Variants in CTNNA3 observed in about 807,000 individuals in gnomAD.
The protein encoded by CTNNA3 is catenin alpha 3.
Under a neutral mutation model 95.7 loss-of-function variants are expected in CTNNA3, and 76 were observed. That is an observed-to-expected ratio of 0.79 (90% CI 0.66 to 0.96). The LOEUF (loss-of-function observed/expected upper bound fraction) is 0.96. CTNNA3 is among the 40% of genes least tolerant of loss of function. The pLI is 0.00. For synonymous variants in CTNNA3, 431 were observed against 374.4 expected (o/e 1.15, Z -1.74); for missense variants, 1,191 against 1,089.8 (o/e 1.09, Z -1.31).
Position 67,691,729 on chromosome 10 carries a change from C to T in CTNNA3, c.-6+4271G>A, listed in dbSNP as rs554655121. ...CCGTCTGGGAAGTGAGGAGTGTCTC[C>T]GCCCGGCAGCCACCTCGTCCGGGAG... On this transcript the variant is annotated intron_variant, in intron 1 of 17. Coordinates refer to ENST00000433211, the MANE Select transcript of CTNNA3 (RefSeq NM_013266.4). 5.3e-5 allele frequency among the ~76,000 whole-genome samples: 8 copies of T among 151,226 alleles called. No individual in the cohort carries two copies. The East Asian group carries it at 1.6e-3, about 30-fold the overall frequency.
At chr10:66,480,232 T>C (rs1839472818) in intron 11 of CTNNA3, among the ~76,000 whole-genome samples, 1 of 152,170 alleles carries the variant, frequency 6.6e-6, no homozygotes, top group Non-Finnish European at 1.5e-5. Flanking sequence ...CTCACAGTTG[T>C]AGTCATTTTC....
intron 12 of CTNNA3, among the ~76,000 whole-genome samples, chr10:66,336,537 T>C (rs1481522217): frequency 1.3e-5 from 2 of 152,148 alleles, no homozygotes; most frequent in African/African-American, 2.4e-5. Flanking sequence ...GTTTAAGACA[T>C]TCCTTATTAA....
intron 7 of CTNNA3, among the ~76,000 whole-genome samples, chr10:66,873,856 G>T (rs532072433): frequency 2.6e-5 from 4 of 152,248 alleles, no homozygotes; most frequent in Non-Finnish European, 4.4e-5. Context: ...TCTTAGCAAA[G>T]AACTTATGTC....
chr10:67,348,780 G>A (rs948246262), intron 5 of CTNNA3, among the ~76,000 whole-genome samples: 3 of 151,982 alleles, frequency 2.0e-5, no homozygotes, highest in Non-Finnish European at 4.4e-5. Context: ...ACATTTCAAC[G>A]TGAGATTTGG....
chr10:66,921,921 T>C, intron 7 of CTNNA3, among the ~76,000 whole-genome samples: 1 of 152,324 alleles, frequency 6.6e-6, no homozygotes, highest in South Asian at 2.1e-4. Context: ...TAAATATTTG[T>C]AAAATAAATA....
intron 5 of CTNNA3, among the ~76,000 whole-genome samples, chr10:67,480,240 C>T (rs536003662): frequency 5.3e-5 from 8 of 152,326 alleles, no homozygotes; most frequent in African/African-American, 1.7e-4. Context: ...CTAACTCATG[C>T]TACAAAAGTA....
At chr10:67,496,882 T>C (rs984241937) in intron 5 of CTNNA3, among the ~76,000 whole-genome samples, 2 of 152,188 alleles carry the variant, frequency 1.3e-5, no homozygotes, top group African/African-American at 4.8e-5. Flanking sequence ...CTCAACCTTC[T>C]ATAAGCTATC....
chr10:66,243,601 C>G (rs2090191337), intron 13 of CTNNA3, among the ~76,000 whole-genome samples: 1 of 152,112 alleles, frequency 6.6e-6, no homozygotes, highest in Non-Finnish European at 1.5e-5. Context: ...CCTCTCAGGA[C>G]CAAACCAATG....
intron 9 of CTNNA3, among the ~76,000 whole-genome samples, chr10:66,742,525 C>G (rs1589198401): frequency 6.6e-6 from 1 of 152,158 alleles, no homozygotes. Flanking sequence ...TACACTCCCT[C>G]CCCTTTTGAA....
intron 3 of CTNNA3, among the ~76,000 whole-genome samples, chr10:67,580,533 C>A (rs1048778281): frequency 1.3e-4 from 20 of 151,670 alleles, no homozygotes; most frequent in African/African-American, 4.6e-4. Context: ...ATTGTCTTGG[C>A]GATGCGGGCT....
intron 7 of CTNNA3, among the ~76,000 whole-genome samples, chr10:67,135,961 T>A (rs1470560459): frequency 6.6e-6 from 1 of 152,220 alleles, no homozygotes; most frequent in Non-Finnish European, 1.5e-5. Flanking sequence ...TGAATGCCTC[T>A]TTTAAAGTTC....
intron 10 of CTNNA3, among the ~76,000 whole-genome samples, chr10:66,592,767 A>C (rs1297285978): frequency 6.6e-6 from 1 of 152,202 alleles, no homozygotes; most frequent in African/African-American, 2.4e-5. Context: ...CAGCCACTGG[A>C]TGACTTTATG....
intron 3 of CTNNA3, among the ~76,000 whole-genome samples, chr10:67,583,852 G>A (rs974124929): frequency 4.6e-5 from 7 of 151,864 alleles, no homozygotes; most frequent in South Asian, 4.2e-4. Flanking sequence ...TGATTGAATC[G>A]GCTACTGAAG....
intron 5 of CTNNA3, among the ~76,000 whole-genome samples, chr10:67,336,466 G>T (rs1467298704): frequency 6.6e-6 from 1 of 152,186 alleles, no homozygotes; most frequent in African/African-American, 2.4e-5. Flanking sequence ...TAACATAAAA[G>T]TTCAAGGTGA....
intron 1 of CTNNA3, among the ~76,000 whole-genome samples, chr10:67,689,600 C>A (rs1480941181): frequency 6.6e-6 from 1 of 152,086 alleles, no homozygotes; most frequent in Non-Finnish European, 1.5e-5. Context: ...GCTTGGGTGA[C>A]ATGATTTTGA....
intron 16 of CTNNA3, among the ~76,000 whole-genome samples, chr10:65,973,397 G>A (rs57569811): frequency 0.11 from 16,349 of 152,066 alleles, 1,103 homozygotes; most frequent in East Asian, 0.2. Context: ...ACTATCAACA[G>A]AGTACATAGA....
At chr10:66,791,569 A>G (rs1840970216) in intron 7 of CTNNA3, among the ~76,000 whole-genome samples, 1 of 152,212 alleles carries the variant, frequency 6.6e-6, no homozygotes, top group Non-Finnish European at 1.5e-5. Flanking sequence ...TTGTAATGAT[A>G]AACTCATTTT....
chr10:67,385,933 A>T (rs2132747294), intron 5 of CTNNA3, among the ~76,000 whole-genome samples: 1 of 152,258 alleles, frequency 6.6e-6, no homozygotes, highest in African/African-American at 2.4e-5. Context: ...GAGCTTTAAT[A>T]TTAATGTGAC....
At chr10:66,850,301 C>T (rs1024098176) in intron 7 of CTNNA3, among the ~76,000 whole-genome samples, 1 of 152,102 alleles carries the variant, frequency 6.6e-6, no homozygotes, top group Non-Finnish European at 1.5e-5. Context: ...TATCTGATAG[C>T]ATGTTTATAC....
Sources: gnomAD v4.1 joint callset for allele counts (sites outside exome capture counted in the v4.1 genomes callset) on GRCh38, gnomAD v4.1.1 for gene constraint, MANE v1.5 for transcripts, NCBI Gene and HGNC (gene_info 2026-07-23, HGNC 2026-07-21) for gene names.